Variants in VIM observed in about 807,000 individuals in gnomAD.
The protein encoded by VIM is epididymis secretory sperm binding protein.
VIM carries 18 observed loss-of-function variants against 50.3 expected under a neutral mutation model. The observed-to-expected ratio is 0.36, with a 90% CI of 0.25 to 0.53. The LOEUF is 0.53. Ranked by LOEUF, VIM falls within the 20% of genes least tolerant of loss-of-function variation. The pLI is 0.91. For missense variants in VIM, 551 were observed against 614.7 expected, an observed-to-expected ratio of 0.90 and a Z score of 1.10; for synonymous variants, 245 against 248.5, an observed-to-expected ratio of 0.99 and a Z score of 0.13.
At position 17,228,440 on chromosome 10, in the gene VIM, G is replaced by C. The variant is rs1846717056; in HGVS notation, c.-232G>C. ...GCACTGAGAACTAGCAGCGCGCGCG[G>C]AGCCCGCTGAGACTTGAATCAATCT... On this transcript the variant is annotated 5_prime_UTR_variant, in exon 1 of 10. Coordinates refer to ENST00000544301, the MANE Select transcript of VIM (RefSeq NM_003380.5). The C allele has an allele frequency of 6.6e-6, 1 of 152,288 alleles. No homozygotes were observed. Among genetic ancestry groups the C allele is most frequent in the South Asian group, 2.1e-4 (1 of 4,840 alleles). 9.4% of individuals were successfully genotyped at this position (152,288 alleles called of 1,614,324 possible). A position where few individuals can be genotyped will look rare whatever the true frequency, so the allele number is the denominator to read the frequency against.
At position 17,236,285 on chromosome 10, in the gene VIM, T is replaced by C. The variant is rs745611795; in HGVS notation, c.1274-9T>C. 20 of 1,608,734 alleles carry C rather than the reference T, an allele frequency of 1.2e-5. No homozygotes were observed. The highest frequency in any genetic ancestry group is 1.6e-5 in the Non-Finnish European group (19 of 1,175,280). On this transcript the variant is annotated splice_polypyrimidine_tract_variant and intron_variant, in intron 8 of 9. Coordinates refer to ENST00000544301, the MANE Select transcript of VIM (RefSeq NM_003380.5). ...TTTTTACTCATTTTTGGCCTGTTTG[T>C]TTATTTAGAAACTAATCTGGATTCA...
At position 17,229,374 on chromosome 10, in the gene VIM, C is replaced by T. The variant is rs375938720; in HGVS notation, c.-49C>T. On this transcript the variant is annotated 5_prime_UTR_variant, in exon 2 of 10. Transcript: ENST00000544301. The stretch of plus-strand genomic sequence containing the variant: ...CCCTCGTTCGCCTCTTCTCCGGGAG[C>T]CAGTCCGCGCCACCGCCGCCGCCCA... 1 of 1,548,932 alleles carries T rather than the reference C, an allele frequency of 6.5e-7. No individual in the cohort carries two copies. The highest frequency in any genetic ancestry group is 1.9e-5 in the Admixed American group (1 of 53,894).
At chr10:17,234,579 CAG>C in intron 5 of VIM, 112 bp from the exon 6 acceptor site, 1 of 1,524,924 alleles carries the variant, frequency 6.6e-7, no homozygotes, top group East Asian at 2.3e-5. Context: ...GCTTTCAAAA[CAG>C]AAATTTAAAC....
At chr10:17,230,984 C>T in intron 3 of VIM, 1 of 413,362 alleles carries the variant, frequency 2.4e-6, no homozygotes, top group South Asian at 2.4e-5. Flanking sequence ...CTCACTGCAT[C>T]CTCCGCCTCC....
chr10:17,235,950 C>G (rs1846880938), intron 8 of VIM, 61 bp downstream of exon 8: 3 of 1,508,218 alleles, frequency 2.0e-6, no homozygotes, highest in Admixed American at 1.7e-5. Flanking sequence ...GTGTTTATGT[C>G]AAAGCATTCA....
At chr10:17,236,948 G>C (rs1369543448) in intron 9 of VIM, among the ~76,000 whole-genome samples, 10 of 152,172 alleles carry the variant, frequency 6.6e-5, no homozygotes, top group Non-Finnish European at 1.3e-4. Flanking sequence ...AAACTTGGCT[G>C]TATTGTGTAC....
chr10:17,233,869 C>A lies in VIM; in HGVS notation c.820C>A (p.Gln274Lys). ...CACGGCTGCCCTGCGTGACGTACGT[C>A]AGCAATATGAAAGTGTGGCTGCCAA... is the stretch of plus-strand genomic sequence containing the variant. ...DLTAALRDVRQQYESVAAKNL... is the reference protein window; with the variant it reads ...DLTAALRDVRKQYESVAAKNL... The change falls in exon 5 of 10, where the codon CAG (glutamine) becomes AAG (lysine). Residue 274 changes from glutamine (Q) to lysine (K), a missense_variant. Physicochemically the swap from Gln to Lys is moderately conservative, Grantham distance 53. Transcript: ENST00000544301. 1 of 1,614,154 alleles carries A rather than the reference C, an allele frequency of 6.2e-7. No individual in the cohort carries two copies. The highest frequency in any genetic ancestry group is 8.5e-7 in the Non-Finnish European group (1 of 1,180,026).
At chr10:17,230,022 A>AG in intron 2 of VIM, 37 bp downstream of exon 2, 1 of 1,569,274 alleles carries the variant, frequency 6.4e-7, no homozygotes, top group Non-Finnish European at 8.6e-7. Flanking sequence ...GGGCCTCGGG[A>AG]GGGGGCTGGA....
intron 5 of VIM, chr10:17,234,146 T>C: frequency 1.8e-6 from 1 of 561,828 alleles, no homozygotes; most frequent in South Asian, 2.2e-5. Context: ...GACAGAGTCT[T>C]GCTCTACTGC....
rs375938720 is a variant in VIM at position 17,229,374 on chromosome 10, C to A, written c.-49C>A. 3,144 of 1,548,814 alleles carry A rather than the reference C, an allele frequency of 2.0e-3. 7 individuals are homozygous for A. The highest frequency in any genetic ancestry group is 2.6e-3 in the Non-Finnish European group (2,961 of 1,152,052). ...CCCTCGTTCGCCTCTTCTCCGGGAG[C>A]CAGTCCGCGCCACCGCCGCCGCCCA... On this transcript the variant is annotated 5_prime_UTR_variant, in exon 2 of 10. Coordinates refer to ENST00000544301, the MANE Select transcript of VIM (RefSeq NM_003380.5).
At chr10:17,236,605 A>G (rs575811234) in intron 9 of VIM, among the ~76,000 whole-genome samples, 2 of 152,308 alleles carry the variant, frequency 1.3e-5, no homozygotes, top group South Asian at 2.1e-4. Flanking sequence ...GTGCTCCAGA[A>G]TTAGTGATTT....
chr10:17,234,464 C>T (rs1243895106), intron 5 of VIM, among the ~76,000 whole-genome samples: 1 of 152,132 alleles, frequency 6.6e-6, no homozygotes, highest in Admixed American at 6.5e-5. Context: ...ACCTTGCCTC[C>T]AAGTAAACCC....
chr10:17,230,090 G>A (rs941191141), intron 2 of VIM, 105 bp downstream of exon 2: 21 of 1,377,874 alleles, frequency 1.5e-5, no homozygotes, highest in Non-Finnish European at 1.9e-5. Context: ...TGGGGATGTG[G>A]CCGGGGGGAG....
At chr10:17,230,964 G>C in intron 3 of VIM, 1 of 450,444 alleles carries the variant, frequency 2.2e-6, no homozygotes, top group Non-Finnish European at 4.1e-6. Context: ...GTGCAGTGGC[G>C]AGATCTTGGC....
intron 5 of VIM, among the ~76,000 whole-genome samples, chr10:17,234,365 T>A (rs1233393570): frequency 6.6e-6 from 1 of 152,158 alleles, no homozygotes; most frequent in African/African-American, 2.4e-5. Context: ...TCCACCCTCC[T>A]CAGCCTCCCA....
chr10:17,236,451 G>C, intron 9 of VIM, 72 bp downstream of exon 9: 1 of 1,271,950 alleles, frequency 7.9e-7, no homozygotes. Context: ...CAGTGAATCT[G>C]AATCTCAGAT....
At chr10:17,232,696 T>G (rs1334836008) in intron 3 of VIM, among the ~76,000 whole-genome samples, 1 of 152,244 alleles carries the variant, frequency 6.6e-6, no homozygotes, top group African/African-American at 2.4e-5. Flanking sequence ...AATATAAATC[T>G]AGCCTTGTAC....
rs770476760 is a variant in VIM at position 17,229,995 on chromosome 10, C to A, written c.563+10C>A. On this transcript the variant is annotated intron_variant, in intron 2 of 9. Transcript: ENST00000544301. ...TGCGCCTCCGGGAGAAGTAAGGCTG[C>A]GCCCATGCAAGTAGCTGGGCCTCGG... The A allele has an allele frequency of 3.7e-6, 6 of 1,605,672 alleles. No individual in the cohort carries two copies. Among genetic ancestry groups the A allele is most frequent in the Non-Finnish European group, 5.1e-6 (6 of 1,176,972 alleles).
chr10:17,229,008 G>A lies in VIM; in HGVS notation c.-147-268G>A, dbSNP rs1406531999. On this transcript the variant is annotated intron_variant, in intron 1 of 9. Coordinates refer to ENST00000544301, the MANE Select transcript of VIM (RefSeq NM_003380.5). ...GACCCCCCCCTCACCGCGCGACCCC[G>A]CCTTTTTCAGCACCCCAGGGTGAGC... 1.4e-5 allele frequency: 3 copies of A among 219,402 alleles called. No homozygotes were observed. The Admixed American group carries it at 1.7e-4, about 13-fold the overall frequency. 13.6% of individuals were successfully genotyped at this position (219,402 alleles called of 1,614,324 possible).
Sources: allele counts gnomAD v4.1 joint callset (sites outside exome capture counted in the v4.1 genomes callset), GRCh38; gene constraint gnomAD v4.1.1; transcripts MANE v1.5; gene names NCBI Gene and HGNC (gene_info 2026-07-23, HGNC 2026-07-21).